Variants in PMS1 observed in about 807,000 individuals in gnomAD.
The protein encoded by PMS1 is PMS1 homolog 1, mismatch repair system component.
Under a neutral mutation model 93.1 loss-of-function variants are expected in PMS1, and 79 were observed. The ratio of observed to expected loss-of-function variants is 0.85; its 90% CI spans 0.71 to 1.02. The LOEUF (loss-of-function observed/expected upper bound fraction) is 1.02, where lower values mean the gene tolerates loss of function less well. Ranked by LOEUF, PMS1 falls within the 50% of genes least tolerant of loss-of-function variation. The probability of loss-of-function intolerance (pLI) is 0.00; values close to 1 mark genes in which losing one functional copy is unlikely to be tolerated. For missense variants in PMS1, 1,064 were observed against 1,085.3 expected, an observed-to-expected ratio of 0.98 and a Z score of 0.28; for synonymous variants, 335 against 363.4, an observed-to-expected ratio of 0.92 and a Z score of 0.89.
intron 12 of PMS1, among the ~76,000 whole-genome samples, chr2:189,874,622 TA>T (rs745664626): frequency 3.4e-4 from 52 of 152,224 alleles, no homozygotes; most frequent in Non-Finnish European, 6.5e-4. Flanking sequence ...TCTCCCTTTT[TA>T]AAAATGAGCC....
Position 189,864,100 on chromosome 2 carries a change from G to A in PMS1, c.2214G>A (p.Met738Ile). 1.9e-6 allele frequency: 3 copies of A among 1,613,568 alleles called. No individual in the cohort carries two copies. Among genetic ancestry groups the A allele is most frequent in the Non-Finnish European group, 2.5e-6 (3 of 1,179,720 alleles). Reference protein sequence around the residue: ...HNLRFPDAWLMTSKTEVMLLN... With the variant: ...HNLRFPDAWLITSKTEVMLLN... Reference sequence around the variant, plus strand: ...TCAGGTTTCCTGATGCATGGCTAATGACATCCAAAACAGAGGTAATGTTAT... The same window carrying A: ...TCAGGTTTCCTGATGCATGGCTAATAACATCCAAAACAGAGGTAATGTTAT... The change falls in exon 10 of 13, where the codon ATG becomes ATA. Residue 738 changes from methionine (M) to isoleucine (I), a missense_variant. Met to Ile is a conservative substitution (Grantham distance 10). Transcript: ENST00000441310.
intron 9 of PMS1, among the ~76,000 whole-genome samples, chr2:189,858,960 C>G (rs1186747957): frequency 6.6e-6 from 1 of 152,116 alleles, no homozygotes; most frequent in Non-Finnish European, 1.5e-5. Context: ...TTTAACAGCA[C>G]TGTTCTCTCA....
chr2:189,845,483 AT>A (rs1426030833), intron 6 of PMS1, among the ~76,000 whole-genome samples: 1 of 151,982 alleles, frequency 6.6e-6, no homozygotes, highest in Non-Finnish European at 1.5e-5. Context: ...TTTTTTTTTA[AT>A]GAAAAAGTTT....
At chr2:189,809,792 A>G (rs2050677693) in intron 4 of PMS1, among the ~76,000 whole-genome samples, 1 of 152,166 alleles carries the variant, frequency 6.6e-6, no homozygotes, top group South Asian at 2.1e-4. Flanking sequence ...AGATTGTGCC[A>G]TTGCACTCCA....
rs1291004098 is a variant in PMS1 at position 189,803,058 on chromosome 2, A to G, written c.316-2594A>G. Among the ~76,000 whole-genome samples, 3 of 152,302 alleles carry G rather than the reference A, an allele frequency of 2.0e-5. No homozygotes were observed. The East Asian group carries it at 5.8e-4, about 29-fold the overall frequency. On this transcript the variant is annotated intron_variant, in intron 3 of 12. Coordinates refer to ENST00000441310, the MANE Select transcript of PMS1 (RefSeq NM_000534.5). ...GCAGGCAGGCATACTCACATGCAGA[A>G]AAGAAAACATTTCAGCCATTCAGGC...
chr2:189,867,912 AG>A lies in PMS1; in HGVS notation c.2457del (p.Ile820Ter). The A allele has an allele frequency of 6.2e-7, 1 of 1,611,472 alleles. No homozygotes were observed. The highest frequency in any genetic ancestry group is 8.5e-7 in the Non-Finnish European group (1 of 1,177,636). ...CCTCGTCTTACAGCGAATGGTTTCA[AG>A]ATAAAATTGATACCAGGTATGATAG... ...SDPRLTANGF[K>X]IKLIPGVSIT... On this transcript the variant is annotated frameshift_variant, in exon 11 of 13. Coordinates refer to ENST00000441310, the MANE Select transcript of PMS1 (RefSeq NM_000534.5). LOFTEE classifies it high-confidence loss of function.
chr2:189,830,701 G>A (rs1371716273), intron 5 of PMS1, among the ~76,000 whole-genome samples: 1 of 152,296 alleles, frequency 6.6e-6, no homozygotes, highest in African/African-American at 2.4e-5. Context: ...ATGAATGAGG[G>A]CTGACAACAG....
rs1460017545 is a variant in PMS1 at position 189,854,209 on chromosome 2, C to T, written c.967-30C>T. 17 of 1,515,384 alleles carry T rather than the reference C, an allele frequency of 1.1e-5. 1 individual carries two copies. The highest frequency in any genetic ancestry group is 1.0e-4 in the South Asian group (8 of 79,110). 93.9% of individuals were successfully genotyped at this position (1,515,384 alleles called of 1,614,324 possible). ...ATCTTGTCTATTATTTTCATAATTT[C>T]CCCTAACATTTGTTAATTTGTATTT... On this transcript the variant is annotated intron_variant, in intron 8 of 12. Transcript: ENST00000441310.
At chr2:189,826,888 G>A (rs2052479495) in intron 5 of PMS1, among the ~76,000 whole-genome samples, 1 of 152,152 alleles carries the variant, frequency 6.6e-6, no homozygotes, top group Non-Finnish European at 1.5e-5. Flanking sequence ...TGAAACACTA[G>A]TTTTAAACAC....
rs1559282146 is a variant in PMS1, at chr2:189,838,967, C to CT, written c.583-4996dup. On this transcript the variant is annotated intron_variant, in intron 5 of 12. Transcript: ENST00000441310. ...TGTCTTTCGTAAAAGCTGAGAGTCTCTGAGTTGGAGGAATACAATCACTTT... is the reference window on the plus strand; with the variant it reads ...TGTCTTTCGTAAAAGCTGAGAGTCTCTTGAGTTGGAGGAATACAATCACTTT... Among the ~76,000 whole-genome samples the CT allele has an allele frequency of 8.5e-5, 13 of 152,108 alleles. No individual in the cohort carries two copies. The South Asian group carries it at 2.7e-3, about 32-fold the overall frequency.
chr2:189,868,036 A>C (rs938244351), intron 11 of PMS1, 107 bp downstream of exon 11: 1 of 948,926 alleles, frequency 1.1e-6, no homozygotes, highest in Non-Finnish European at 1.7e-6. Context: ...TTTTTGTCTC[A>C]CTATAAGTAC....
At chr2:189,794,513 T>C (rs977309127) in intron 2 of PMS1, among the ~76,000 whole-genome samples, 6 of 152,238 alleles carry the variant, frequency 3.9e-5, no homozygotes, top group Admixed American at 2.6e-4. Flanking sequence ...TGCCGACATA[T>C]ACAGTATTAT....
chr2:189,863,485 C>T (rs2056252070), intron 9 of PMS1, among the ~76,000 whole-genome samples: 1 of 152,114 alleles, frequency 6.6e-6, no homozygotes, highest in African/African-American at 2.4e-5. Context: ...AACTGCTGAC[C>T]TCAGGTGATC....
intron 4 of PMS1, among the ~76,000 whole-genome samples, chr2:189,814,960 G>A (rs544094798): frequency 3.9e-5 from 6 of 152,080 alleles, no homozygotes; most frequent in South Asian, 2.1e-4. Context: ...TTAGCCAGGC[G>A]GGCTGGCAGG....
intron 11 of PMS1, among the ~76,000 whole-genome samples, chr2:189,871,185 C>G (rs1306814933): frequency 6.6e-6 from 1 of 152,190 alleles, no homozygotes; most frequent in African/African-American, 2.4e-5. Context: ...GGTCATCACT[C>G]TTAAGTTCAA....
At chr2:189,802,048 G>C (rs555465826) in intron 3 of PMS1, among the ~76,000 whole-genome samples, 1 of 151,802 alleles carries the variant, frequency 6.6e-6, no homozygotes, top group Non-Finnish European at 1.5e-5. Flanking sequence ...TTTTTCTCTC[G>C]TTTTTCCCTC....
chr2:189,854,039 T>C lies in PMS1; in HGVS notation c.923T>C (p.Val308Ala). 6 of 1,604,354 alleles carry C rather than the reference T, an allele frequency of 3.7e-6. No homozygotes were observed. The highest frequency in any genetic ancestry group is 1.1e-5 in the South Asian group (1 of 88,724). The change falls in exon 8 of 13, where the codon GTA (valine) becomes GCA (alanine). Residue 308 changes from valine to alanine, a missense_variant. By Grantham distance (64) the Val-to-Ala change is moderately conservative. Coordinates refer to ENST00000441310, the MANE Select transcript of PMS1 (RefSeq NM_000534.5). ...GATGTTCCTACAGCTGATGTTGATG[T>C]AAATTTAACACCAGATAAAAGCCAA... ...KIDVPTADVD[V>A]NLTPDKSQVL...
intron 4 of PMS1, among the ~76,000 whole-genome samples, chr2:189,813,737 C>T (rs183017379): frequency 2.1e-4 from 32 of 152,222 alleles, no homozygotes; most frequent in African/African-American, 5.8e-4. Flanking sequence ...AAGAAATTGC[C>T]ATATTCATGG....
intron 6 of PMS1, among the ~76,000 whole-genome samples, chr2:189,848,718 C>T (rs2054451460): frequency 6.6e-6 from 1 of 152,072 alleles, no homozygotes; most frequent in South Asian, 2.1e-4. Flanking sequence ...TTTTGAGTGT[C>T]TCTCTGGTGA....
Sources: gnomAD v4.1 joint callset for allele counts (sites outside exome capture counted in the v4.1 genomes callset) on GRCh38, gnomAD v4.1.1 for gene constraint, MANE v1.5 for transcripts, NCBI Gene and HGNC (gene_info 2026-07-23, HGNC 2026-07-21) for gene names.